The following FOXP2 variants were observed in gnomAD, a reference collection of about 807,000 sequenced individuals.
The protein encoded by FOXP2 is forkhead box protein P2.
In FOXP2, 12 loss-of-function variants were observed where a neutral mutation model predicts 115.8. That is an observed-to-expected ratio of 0.10 (90% CI 0.07 to 0.17). The LOEUF is 0.17. FOXP2 is among the 10% of genes least tolerant of loss of function. The pLI, the probability that FOXP2 is intolerant of heterozygous loss-of-function variation, is 1.00. For missense variants in FOXP2, 629 were observed against 843.5 expected, an observed-to-expected ratio of 0.75 and a Z score of 3.15; for synonymous variants, 328 against 297.7, an observed-to-expected ratio of 1.10 and a Z score of -1.05.
chr7:114,671,736 A>G (rs1466674810), intron 16 of FOXP2, among the ~76,000 whole-genome samples: 2 of 152,232 alleles, frequency 1.3e-5, no homozygotes, highest in Non-Finnish European at 2.9e-5. Context: ...AGCTTTCAAC[A>G]TAGGACTTGG....
rs1058335 is a variant in FOXP2 at position 114,693,609 on chromosome 7, C to T, written c.*3683C>T. On this transcript the variant is annotated 3_prime_UTR_variant, in exon 17 of 17. Coordinates refer to ENST00000350908, the MANE Select transcript of FOXP2 (RefSeq NM_014491.4). ...TTTTGTCCATGAACACTTGGCATAT[C>T]TTACTTAGCAAAAAAGAAGGATGTA... The T allele has an allele frequency of 0.2, 90,119 of 450,692 alleles. 10,138 individuals carry two copies. Among genetic ancestry groups the T allele is most frequent in the East Asian group, 0.4 (5,749 of 14,362 alleles). 27.9% of individuals were successfully genotyped at this position (450,692 alleles called of 1,614,324 possible). A position where few individuals can be genotyped will look rare whatever the true frequency, so the allele number is the denominator to read the frequency against.
rs186714464 is a variant in FOXP2 at position 114,393,094 on chromosome 7, G to A, written c.-10-33408G>A. Among the ~76,000 whole-genome samples, 8 of 152,188 alleles carry A rather than the reference G, an allele frequency of 5.3e-5. No homozygotes were observed. In the East Asian group the frequency reaches 1.5e-3, roughly 29 times the overall value. The stretch of plus-strand genomic sequence containing the variant: ...TAGTCATTGTAATTATGGTAGTTGA[G>A]ACATACACAAAAAGTACATAGAATA... On this transcript the variant is annotated intron_variant, in intron 2 of 17. Transcript: ENST00000634411.
intron 2 of FOXP2, among the ~76,000 whole-genome samples, chr7:114,459,657 C>G (rs549055657): frequency 6.6e-6 from 1 of 152,304 alleles, no homozygotes; most frequent in Non-Finnish European, 1.5e-5. Context: ...ACTCAGCCGC[C>G]CAGGCTGGAA....
chr7:114,452,318 T>A (rs1281662071), intron 2 of FOXP2, among the ~76,000 whole-genome samples: 1 of 152,020 alleles, frequency 6.6e-6, no homozygotes, highest in East Asian at 1.9e-4. Context: ...ATTAGCCATG[T>A]GCAACTTAAA....
chr7:114,142,850 T>A (rs1376244), intron 1 of FOXP2, among the ~76,000 whole-genome samples: 102,786 of 150,692 alleles, frequency 0.68, 39,851 homozygotes, highest in Non-Finnish European at 0.87. Context: ...AAAAAAAAAA[T>A]TTAACGCCCA....
intron 7 of FOXP2, among the ~76,000 whole-genome samples, chr7:114,644,320 T>C (rs1197968353): frequency 6.6e-6 from 1 of 152,224 alleles, no homozygotes; most frequent in Admixed American, 6.5e-5. Context: ...ATGATGGCTG[T>C]CCTATTATTC....
chr7:114,181,303 G>A lies in FOXP2; in HGVS notation c.-102+18215G>A, dbSNP rs1438375774. 2.0e-5 allele frequency among the ~76,000 whole-genome samples: 3 copies of A among 150,050 alleles called. No individual in the cohort carries two copies. In the East Asian group the frequency reaches 5.8e-4, roughly 29 times the overall value. The stretch of plus-strand genomic sequence containing the variant: ...ATATATATATATATATAAAATGAAG[G>A]ATTAAAGTATAACATGCATATAAGC... On this transcript the variant is annotated intron_variant, in intron 1 of 17. Transcript: ENST00000634411.
chr7:114,419,647 A>G (rs1793521940), intron 1 of FOXP2, among the ~76,000 whole-genome samples: 1 of 151,692 alleles, frequency 6.6e-6, no homozygotes, highest in Non-Finnish European at 1.5e-5. Flanking sequence ...CTCAAGAATA[A>G]CGTATAAACT....
chr7:114,580,495 T>C (rs1292887264), intron 3 of FOXP2, among the ~76,000 whole-genome samples: 7 of 152,126 alleles, frequency 4.6e-5, no homozygotes, highest in Non-Finnish European at 2.9e-5. Context: ...GGAGAATTGT[T>C]TGAACCCGGG....
chr7:114,475,423 A>G (rs1796213461), intron 2 of FOXP2, among the ~76,000 whole-genome samples: 1 of 152,046 alleles, frequency 6.6e-6, no homozygotes, highest in Non-Finnish European at 1.5e-5. Context: ...GAAAACAGTC[A>G]AGCCTGCATG....
At chr7:114,178,778 A>G (rs2129154615) in intron 1 of FOXP2, among the ~76,000 whole-genome samples, 1 of 151,814 alleles carries the variant, frequency 6.6e-6, no homozygotes, top group Admixed American at 6.6e-5. Context: ...TCTCAATGCC[A>G]TTTTTCCACC....
rs398005924 is a variant in FOXP2, at chr7:114,690,129, C to CT, written c.*220dup. On this transcript the variant is annotated 3_prime_UTR_variant, in exon 17 of 17. Transcript: ENST00000350908. ...TGCTTGTTTTCTTCTTCTTCTTCTT[C>CT]TTTTTTTTTTTTTTTTTAGAAAAAA... 11,443 of 415,604 alleles carry CT rather than the reference C, an allele frequency of 0.028. 440 individuals are homozygous for CT. The highest frequency in any genetic ancestry group is 0.16 in the African/African-American group (6,454 of 39,738). The allele number at this position is 415,604 out of a possible 1,614,324, so 25.7% of individuals were successfully genotyped here. A position where few individuals can be genotyped will look rare whatever the true frequency, so the allele number is the denominator to read the frequency against.
chr7:114,530,721 A>C (rs1457787931), intron 2 of FOXP2, among the ~76,000 whole-genome samples: 2 of 151,890 alleles, frequency 1.3e-5, no homozygotes, highest in African/African-American at 4.8e-5. Flanking sequence ...ACTCATTAGA[A>C]TTATTCTGTG....
intron 2 of FOXP2, among the ~76,000 whole-genome samples, chr7:114,461,905 A>G (rs1358592481): frequency 6.6e-6 from 1 of 151,944 alleles, no homozygotes; most frequent in Non-Finnish European, 1.5e-5. Context: ...TATTAAAAAC[A>G]GTTTCTAGCT....
At chr7:114,468,470 G>GCCA (rs1034946071) in intron 2 of FOXP2, among the ~76,000 whole-genome samples, 2 of 152,024 alleles carry the variant, frequency 1.3e-5, no homozygotes, top group Non-Finnish European at 2.9e-5. Flanking sequence ...ATGATTTAGT[G>GCCA]CCAACTTACT....
chr7:114,385,166 G>T (rs1335938585), intron 2 of FOXP2, among the ~76,000 whole-genome samples: 5 of 151,904 alleles, frequency 3.3e-5, no homozygotes, highest in Non-Finnish European at 5.9e-5. Context: ...ACCTAAATCG[G>T]GAGGGATACC....
intron 1 of FOXP2, among the ~76,000 whole-genome samples, chr7:114,183,174 T>A (rs947234282): frequency 6.6e-6 from 1 of 152,122 alleles, no homozygotes; most frequent in Non-Finnish European, 1.5e-5. Context: ...TGTTTAGAAA[T>A]TAGCTTCATA....
At chr7:114,159,510 C>A (rs1043429371), upstream of FOXP2, among the ~76,000 whole-genome samples, 8 of 126,248 alleles carry the variant, frequency 6.3e-5, no homozygotes, top group African/African-American at 2.3e-4. Context: ...AAGAAAAAAA[C>A]AGTAATTTAT....
At chr7:114,323,394 A>T (rs2129181730) in intron 2 of FOXP2, among the ~76,000 whole-genome samples, 1 of 152,214 alleles carries the variant, frequency 6.6e-6, no homozygotes, top group Middle Eastern at 3.4e-3. Context: ...CATTCGTTGT[A>T]CAAGTACAGA....
Sources: gnomAD v4.1 joint callset for allele counts (sites outside exome capture counted in the v4.1 genomes callset) on GRCh38, gnomAD v4.1.1 for gene constraint, MANE v1.5 for transcripts, NCBI Gene and HGNC (gene_info 2026-07-23, HGNC 2026-07-21) for gene names.